SGCD: variants seen among roughly 807,000 people sequenced by gnomAD.
The protein encoded by SGCD is delta-sarcoglycan.
In SGCD, 18 loss-of-function variants were observed where a neutral mutation model predicts 36.6. That is an observed-to-expected ratio of 0.49 (90% confidence interval 0.34 to 0.73). The LOEUF (loss-of-function observed/expected upper bound fraction) is 0.73. Ranked by LOEUF, SGCD falls within the 30% of genes least tolerant of loss-of-function variation. The pLI, the probability that SGCD is intolerant of heterozygous loss-of-function variation, is 0.01. For synonymous variants in SGCD, 133 were observed against 130.6 expected, an observed-to-expected ratio of 1.02 and a Z score of -0.12; for missense variants, 387 against 346.7, an observed-to-expected ratio of 1.12 and a Z score of -0.92.
At chr5:156,229,277 C>CACATATATATATATATATATATATAGAT (rs1554085595) in intron 3 of SGCD, among the ~76,000 whole-genome samples, 1 of 56,502 alleles carries the variant, frequency 1.8e-5, no homozygotes, top group Non-Finnish European at 3.3e-5. Flanking sequence ...TATATACATA[C>CACATATATATATATATATATATATAGAT]ATATATATAT....
chr5:156,529,214 C>G (rs979822080), intron 4 of SGCD, among the ~76,000 whole-genome samples: 1 of 151,972 alleles, frequency 6.6e-6, no homozygotes, highest in Non-Finnish European at 1.5e-5. Context: ...ATAACGAGGT[C>G]AAGAGATCAA....
intron 1 of SGCD, among the ~76,000 whole-genome samples, chr5:155,948,836 G>A (rs1463336851): frequency 6.6e-6 from 1 of 152,182 alleles, no homozygotes; most frequent in Non-Finnish European, 1.5e-5. Context: ...CCTATCATCT[G>A]TGTGATGGGG....
chr5:156,127,854 C>CAA (rs56822746), intron 3 of SGCD, among the ~76,000 whole-genome samples: 5 of 18,446 alleles, frequency 2.7e-4, no homozygotes, highest in Non-Finnish European at 3.9e-4. Context: ...AACATAAATG[C>CAA]AAAAAAAAAA....
intron 1 of SGCD, among the ~76,000 whole-genome samples, chr5:156,011,812 T>C (rs1392093358): frequency 2.0e-5 from 3 of 152,162 alleles, no homozygotes; most frequent in African/African-American, 4.8e-5. Context: ...TAAATCCAGA[T>C]CTCTCACCAG....
chr5:156,253,978 T>C (rs867839042), intron 3 of SGCD, among the ~76,000 whole-genome samples: 1 of 152,204 alleles, frequency 6.6e-6, no homozygotes, highest in Middle Eastern at 3.2e-3. Flanking sequence ...ACTAAACTCT[T>C]CTATCACTTT....
chr5:156,121,682 G>A (rs1762043878), intron 2 of SGCD, among the ~76,000 whole-genome samples: 1 of 152,144 alleles, frequency 6.6e-6, no homozygotes, highest in Non-Finnish European at 1.5e-5. Context: ...ACAAATTGGT[G>A]ACCAAATTAG....
intron 3 of SGCD, among the ~76,000 whole-genome samples, chr5:156,270,113 A>G (rs1464895587): frequency 1.3e-5 from 2 of 152,036 alleles, no homozygotes; most frequent in African/African-American, 2.4e-5. Flanking sequence ...TATCCCAAGC[A>G]CTGTTTAGGG....
At chr5:156,388,350 A>C (rs753871507) in intron 3 of SGCD, among the ~76,000 whole-genome samples, 12 of 152,230 alleles carry the variant, frequency 7.9e-5, no homozygotes, top group Admixed American at 1.3e-4. Flanking sequence ...TAGATGGATT[A>C]AACACAGAAG....
At chr5:156,196,116 T>C (rs761540341) in intron 3 of SGCD, among the ~76,000 whole-genome samples, 1 of 152,118 alleles carries the variant, frequency 6.6e-6, no homozygotes, top group Non-Finnish European at 1.5e-5. Flanking sequence ...ATCCCTTTAT[T>C]TTCCCAGACC....
the SGCD span, among the ~76,000 whole-genome samples, chr5:155,850,280 G>A: frequency 6.6e-6 from 1 of 152,090 alleles, no homozygotes; most frequent in Non-Finnish European, 1.5e-5. Flanking sequence ...TTATCCAAGG[G>A]CCCTTACTGG....
intron 1 of SGCD, among the ~76,000 whole-genome samples, chr5:155,910,765 T>C (rs749443885): frequency 1.4e-4 from 21 of 152,086 alleles, no homozygotes; most frequent in Admixed American, 3.9e-4. Context: ...AAATGAATCA[T>C]GTACACAAAA....
intron 3 of SGCD, among the ~76,000 whole-genome samples, chr5:156,456,678 T>G (rs1264336804): frequency 6.6e-6 from 1 of 152,194 alleles, no homozygotes. Flanking sequence ...TGAGGAAAGT[T>G]TCTCTCCTCC....
intron 4 of SGCD, among the ~76,000 whole-genome samples, chr5:156,545,139 G>A (rs888325628): frequency 6.6e-6 from 1 of 152,000 alleles, no homozygotes; most frequent in South Asian, 2.1e-4. Flanking sequence ...GTTTGTTTGT[G>A]TTTGTCCCAT....
At chr5:156,381,701 T>G (rs1438291069) in intron 3 of SGCD, among the ~76,000 whole-genome samples, 1 of 152,158 alleles carries the variant, frequency 6.6e-6, no homozygotes, top group Non-Finnish European at 1.5e-5. Context: ...GCATAGCATT[T>G]TAAAGCTGAA....
chr5:156,464,504 G>A (rs904310900), intron 3 of SGCD, among the ~76,000 whole-genome samples: 3 of 152,142 alleles, frequency 2.0e-5, no homozygotes, highest in African/African-American at 7.2e-5. Flanking sequence ...GCAGGTGTGA[G>A]CCACCATGCC....
intron 1 of SGCD, among the ~76,000 whole-genome samples, chr5:155,925,641 G>T (rs544452873): frequency 1.3e-5 from 2 of 152,222 alleles, no homozygotes; most frequent in Admixed American, 6.5e-5. Flanking sequence ...GTTGAGGCAG[G>T]ATCTTGCTCT....
chr5:155,853,981 A>G, the SGCD span, among the ~76,000 whole-genome samples: 14 of 152,352 alleles, frequency 9.2e-5, no homozygotes, highest in African/African-American at 3.1e-4. Context: ...CCCAGCATTC[A>G]AAGCCTTCTT....
intron 1 of SGCD, among the ~76,000 whole-genome samples, chr5:155,898,613 A>G (rs1756319979): frequency 6.6e-6 from 1 of 152,170 alleles, no homozygotes; most frequent in Non-Finnish European, 1.5e-5. Flanking sequence ...TTTTTAAGTT[A>G]CAGTAGTAGA....
At chr5:156,475,934 A>G (rs1214713073) in intron 3 of SGCD, among the ~76,000 whole-genome samples, 2 of 152,214 alleles carry the variant, frequency 1.3e-5, no homozygotes. Flanking sequence ...AGCAGGGTGC[A>G]TTGGAGCTTG....
Sources: gnomAD v4.1 joint callset for allele counts (sites outside exome capture counted in the v4.1 genomes callset) on GRCh38, gnomAD v4.1.1 for gene constraint, MANE v1.5 for transcripts, NCBI Gene and HGNC (gene_info 2026-07-23, HGNC 2026-07-21) for gene names.